USP42: variants seen among roughly 807,000 people sequenced by gnomAD.
USP42 encodes the protein ubiquitin specific peptidase 42.
A neutral mutation model predicts 113.0 loss-of-function variants in USP42; 23 were observed. The ratio of observed to expected loss-of-function variants is 0.20; its 90% confidence interval spans 0.15 to 0.29. USP42 has a LOEUF of 0.29. Ranked by LOEUF, USP42 falls within the 10% of genes least tolerant of loss-of-function variation. USP42 has a pLI of 1.00. For missense variants in USP42, 2,174 were observed against 1,779.8 expected, an observed-to-expected ratio of 1.22 and a Z score of -3.99; for synonymous variants, 933 against 699.0, an observed-to-expected ratio of 1.33 and a Z score of -5.28.
chr7:6,148,990 G>A (rs1242839017), intron 12 of USP42, among the ~76,000 whole-genome samples: 1 of 152,210 alleles, frequency 6.6e-6, no homozygotes, highest in Non-Finnish European at 1.5e-5. Context: ...AGGTATGTGA[G>A]GAGACGCTGG....
chr7:6,089,964 G>A, the USP42 span, among the ~76,000 whole-genome samples: 2 of 150,642 alleles, frequency 1.3e-5, no homozygotes, highest in African/African-American at 5.0e-5. Flanking sequence ...TCACCTCACT[G>A]CACTCCAGCC....
chr7:6,154,101 G>T lies in USP42; in HGVS notation c.2547G>T (p.Ala849=), dbSNP rs763780817. 2 of 1,603,826 alleles carry T rather than the reference G, an allele frequency of 1.2e-6. No individual in the cohort carries two copies. The highest frequency in any genetic ancestry group is 1.3e-5 in the African/African-American group (1 of 74,990). ...IAEGPRDSAL[A]EAPEGLSPAP... The stretch of plus-strand genomic sequence containing the variant: ...AGGGCCCGCGGGACTCGGCGTTGGC[G>T]GAAGCCCCGGAAGGGTTGAGTCCGG... The change falls in exon 15 of 18, where the codon GCG becomes GCT. Residue 849 remains alanine (A), a synonymous_variant. Coordinates refer to ENST00000306177, the MANE Select transcript of USP42 (RefSeq NM_032172.3).
At chr7:6,138,376 T>C (rs1030253394) in intron 4 of USP42, among the ~76,000 whole-genome samples, 4 of 152,130 alleles carry the variant, frequency 2.6e-5, no homozygotes, top group African/African-American at 9.7e-5. Context: ...ATTAGATAGG[T>C]TGGGAGATTT....
intron 4 of USP42, among the ~76,000 whole-genome samples, 179 bp downstream of exon 4, chr7:6,136,130 G>A (rs1424319893): frequency 1.3e-5 from 2 of 150,848 alleles, no homozygotes; most frequent in South Asian, 2.1e-4. Flanking sequence ...TCAGCCTCTC[G>A]AGTAGCTGAG....
intron 2 of USP42, chr7:6,111,769 ATTTTT>A (rs375859355): frequency 0.023 from 3,270 of 139,320 alleles, 118 homozygotes; most frequent in African/African-American, 0.088. Context: ...AGCCCGGCTA[ATTTTT>A]TTTTTTTTTT....
intron 7 of USP42, among the ~76,000 whole-genome samples, chr7:6,141,196 C>CTTTTTTTTTTTTTTTTTTTT (rs199589142): frequency 7.6e-6 from 1 of 131,872 alleles, no homozygotes; most frequent in Admixed American, 7.5e-5. Flanking sequence ...TTTTCTTTTT[C>CTTTTTTTTTTTTTTTTTTTT]TTTTCTTTTT....
the USP42 span, among the ~76,000 whole-genome samples, chr7:6,082,272 G>A: frequency 2.2e-4 from 33 of 151,882 alleles, no homozygotes; most frequent in Non-Finnish European, 2.9e-5. Context: ...GGGACTACAG[G>A]TGCCCGCCAC....
chr7:6,125,379 A>C (rs973884139), intron 3 of USP42, among the ~76,000 whole-genome samples: 4 of 151,900 alleles, frequency 2.6e-5, no homozygotes, highest in Non-Finnish European at 5.9e-5. Flanking sequence ...AATCTCAGCT[A>C]CTTCGGAGAC....
chr7:6,092,053 C>CTTCTTCTTCTTCTTCT, the USP42 span, among the ~76,000 whole-genome samples: 2 of 41,698 alleles, frequency 4.8e-5, no homozygotes, highest in African/African-American at 7.6e-5. Context: ...TCTTCTTCTT[C>CTTCTTCTTCTTCTTCT]TTTCTTCTTC....
intron 3 of USP42, among the ~76,000 whole-genome samples, chr7:6,115,921 A>C (rs766297265): frequency 2.7e-4 from 41 of 152,182 alleles, no homozygotes; most frequent in Non-Finnish European, 5.1e-4. Flanking sequence ...CAACATAGTA[A>C]GACCCCATCT....
chr7:6,115,272 G>T (rs1040458644), intron 2 of USP42, 51 bp from the exon 3 acceptor site: 19 of 1,570,526 alleles, frequency 1.2e-5, no homozygotes, highest in Non-Finnish European at 1.7e-5. Flanking sequence ...TATTTATTTA[G>T]CTTCAGTATG....
At chr7:6,146,313 G>T in intron 11 of USP42, 65 bp downstream of exon 11, 55 of 867,196 alleles carry the variant, frequency 6.3e-5, no homozygotes, top group Non-Finnish European at 8.4e-5. Context: ...TTATCAACAT[G>T]TTTGAATTCA....
chr7:6,081,765 C>G, the USP42 span: 2 of 152,170 alleles, frequency 1.3e-5, no homozygotes, highest in African/African-American at 4.8e-5. Context: ...TCGCTCCGGG[C>G]CGCTCCTCCC....
rs186200383 is a variant in USP42 at position 6,155,041 on chromosome 7, A to C, written c.3487A>C (p.Arg1163=). ...CGAAAATGGAAAGTCCCGGAAACGGAGACACGACAGTGTGGAGAACAGTGA... is the reference window on the plus strand; with the variant it reads ...CGAAAATGGAAAGTCCCGGAAACGGCGACACGACAGTGTGGAGAACAGTGA... ...EHENGKSRKR[R]HDSVENSDSH... The change falls in exon 15 of 18, where the codon AGA becomes CGA. Residue 1163 remains arginine, a synonymous_variant. Transcript: ENST00000306177. The C allele has an allele frequency of 7.0e-5, 110 of 1,563,532 alleles. No homozygotes were observed. The highest frequency in any genetic ancestry group is 9.2e-5 in the Non-Finnish European group (106 of 1,153,824).
At chr7:6,146,121 C>T (rs1277346370) in intron 10 of USP42, 27 bp from the exon 11 acceptor site, 8 of 1,428,270 alleles carry the variant, frequency 5.6e-6, no homozygotes, top group South Asian at 1.3e-5. Context: ...AATCTAATCT[C>T]TCTCTTTTAT....
rs370179651 is a variant in USP42, at chr7:6,150,318, G to C, written c.2106+16G>C. ...TCCTGGAAAGGTGAGTGCACGTCAG[G>C]GTCTTCAGCCTCGTTTGTGGCGGTT... On this transcript the variant is annotated intron_variant, in intron 13 of 17. Coordinates refer to ENST00000306177, the MANE Select transcript of USP42 (RefSeq NM_032172.3). The C allele has an allele frequency of 3.7e-6, 6 of 1,611,808 alleles. No homozygotes were observed. In the East Asian group the frequency reaches 1.1e-4, roughly 30 times the overall value.
chr7:6,111,256 G>A lies in USP42; in HGVS notation c.123G>A (p.Val41=). 6.2e-7 allele frequency: 1 copy of A among 1,608,420 alleles called. No individual in the cohort carries two copies. The highest frequency in any genetic ancestry group is 8.5e-7 in the Non-Finnish European group (1 of 1,177,178). Residue 41 remains valine (V), a synonymous_variant, in exon 2 of 18, where the codon GTG becomes GTA. Transcript: ENST00000306177. ...CAGGTTCTGCCAGCTGGGGTGCTGT[G>A]TCTTCATTGAATGATGTGTCAAATC... ...MDAGSASWGA[V]SSLNDVSNHT...
At chr7:6,110,288 T>C (rs1236375656) in intron 1 of USP42, among the ~76,000 whole-genome samples, 1 of 152,174 alleles carries the variant, frequency 6.6e-6, no homozygotes, top group Non-Finnish European at 1.5e-5. Context: ...TCCCAGTTGC[T>C]GACTGGTTGC....
At chr7:6,134,787 T>G (rs1156619363) in intron 3 of USP42, among the ~76,000 whole-genome samples, 2 of 152,192 alleles carry the variant, frequency 1.3e-5, no homozygotes, top group Non-Finnish European at 1.5e-5. Flanking sequence ...TTTTTTCTTT[T>G]CTTTCTTTGT....
Sources: gnomAD v4.1 joint callset for allele counts (sites outside exome capture counted in the v4.1 genomes callset) on GRCh38, gnomAD v4.1.1 for gene constraint, MANE v1.5 for transcripts, NCBI Gene and HGNC (gene_info 2026-07-23, HGNC 2026-07-21) for gene names.